The following ATXN1 variants were observed in gnomAD, a reference collection of about 807,000 sequenced individuals.
ATXN1 encodes ataxin 1, also known as ataxin-1.
Under a neutral mutation model 56.4 loss-of-function variants are expected in ATXN1, and 8 were observed. The observed-to-expected ratio is 0.14, with a 90% CI of 0.08 to 0.26. The LOEUF is 0.26. ATXN1 is among the 10% of genes least tolerant of loss of function. The pLI is 1.00. For missense variants in ATXN1, 987 were observed against 1,106.5 expected (o/e 0.89, Z 1.53); for synonymous variants, 514 against 494.6 (o/e 1.04, Z -0.52).
At chr6:16,492,330 C>T (rs749830625) in intron 5 of ATXN1, among the ~76,000 whole-genome samples, 5 of 151,730 alleles carry the variant, frequency 3.3e-5, no homozygotes, top group African/African-American at 1.2e-4. Flanking sequence ...TGCTAGATGA[C>T]GAGTTAATGG....
intron 3 of ATXN1, among the ~76,000 whole-genome samples, chr6:16,648,843 C>T (rs1276928052): frequency 6.6e-6 from 1 of 152,086 alleles, no homozygotes; most frequent in Admixed American, 6.5e-5. Context: ...AAACTGAAGG[C>T]TGGGCAAGGC....
At chr6:16,589,543 T>C (rs1052797325) in intron 3 of ATXN1, among the ~76,000 whole-genome samples, 1 of 152,112 alleles carries the variant, frequency 6.6e-6, no homozygotes, top group African/African-American at 2.4e-5. Flanking sequence ...GAGAATGTTA[T>C]TATTAAATGT....
intron 3 of ATXN1, among the ~76,000 whole-genome samples, chr6:16,617,691 C>T (rs1763239789): frequency 6.9e-6 from 1 of 145,834 alleles, no homozygotes; most frequent in Admixed American, 7.2e-5. Context: ...GGCCTGAACC[C>T]GTGAGGCGGA....
intron 2 of ATXN1, among the ~76,000 whole-genome samples, chr6:16,702,647 C>A (rs1208122998): frequency 3.9e-5 from 6 of 152,130 alleles, no homozygotes; most frequent in African/African-American, 1.4e-4. Flanking sequence ...AAGAAAAAAA[C>A]AAACAACCCC....
At position 16,309,892 on chromosome 6, in the gene ATXN1, G is replaced by T. The variant is rs533827403; in HGVS notation, c.1918-3033C>A. Among the ~76,000 whole-genome samples, 6 of 152,046 alleles carry T rather than the reference G, an allele frequency of 3.9e-5. 1 individual carries two copies. The South Asian group carries it at 1.0e-3, about 26-fold the overall frequency. On this transcript the variant is annotated intron_variant, in intron 7 of 7. Coordinates refer to ENST00000436367, the MANE Select transcript of ATXN1 (RefSeq NM_001128164.2). ...CTACTAAAAATGCAAAAATTAGCTG[G>T]GCATGGTGGCAGGAACCTGTAATCC...
At chr6:16,431,112 A>G (rs1759274607) in intron 6 of ATXN1, among the ~76,000 whole-genome samples, 1 of 151,886 alleles carries the variant, frequency 6.6e-6, no homozygotes. Context: ...GTCTGTGCAG[A>G]TGTGGGGTTT....
Position 16,328,487 on chromosome 6 carries a change from G to A in ATXN1, c.-160-17C>T. 9 of 1,183,492 alleles carry A rather than the reference G, an allele frequency of 7.6e-6. No individual in the cohort carries two copies. The highest frequency in any genetic ancestry group is 8.7e-6 in the Non-Finnish European group (8 of 919,220). 73.3% of individuals were successfully genotyped at this position (1,183,492 alleles called of 1,614,324 possible). A position where few individuals can be genotyped will look rare whatever the true frequency, so the allele number is the denominator to read the frequency against. On this transcript the variant is annotated splice_polypyrimidine_tract_variant and intron_variant, in intron 6 of 7. Transcript: ENST00000436367. This position sits in a 1 kb window ranked among gnomAD's most constrained non-coding sequence, Gnocchi z 6.2. Reference sequence around the variant, plus strand: ...CTCTGGATGCTGGGAAAGGGAAGAGGGCAGTGACAAAGGGAAAAGGAAAGG... The same window carrying A: ...CTCTGGATGCTGGGAAAGGGAAGAGAGCAGTGACAAAGGGAAAAGGAAAGG...
Position 16,306,446 on chromosome 6 carries a change from T to G in ATXN1, c.2331A>C (p.Pro777=). Residue 777 remains proline, a synonymous_variant, in exon 8 of 8, where the codon CCA becomes CCC. Coordinates refer to ENST00000436367, the MANE Select transcript of ATXN1 (RefSeq NM_001128164.2). The surrounding 1 kb of genome is among the most constrained non-coding windows in gnomAD (Gnocchi z 5.2). ...AATRKRRWSA[P]ESRKLEKSED... ...CTGACTTCTCCAGTTTGCGGCTCTC[T>G]GGCGCCGACCACCTCCTCTTCCTCG... The G allele has an allele frequency of 6.2e-7, 1 of 1,614,210 alleles. No homozygotes were observed. Among genetic ancestry groups the G allele is most frequent in the Non-Finnish European group, 8.5e-7 (1 of 1,180,040 alleles).
At chr6:16,600,441 T>A (rs976752864) in intron 3 of ATXN1, among the ~76,000 whole-genome samples, 11 of 152,206 alleles carry the variant, frequency 7.2e-5, no homozygotes, top group African/African-American at 2.7e-4. Flanking sequence ...ACTGACTGAA[T>A]GTTCAATGCT....
chr6:16,658,460 A>AATTG (rs1395904787), intron 2 of ATXN1, among the ~76,000 whole-genome samples: 21 of 151,980 alleles, frequency 1.4e-4, no homozygotes, highest in Non-Finnish European at 2.9e-4. Context: ...ATTCTTGATA[A>AATTG]ATACTTTCTC....
chr6:16,689,755 TGAA>T (rs1759004806), intron 2 of ATXN1, among the ~76,000 whole-genome samples: 1 of 152,166 alleles, frequency 6.6e-6, no homozygotes. Flanking sequence ...TTTTTTATAA[TGAA>T]GACATTTAAA....
At chr6:16,532,172 A>G (rs1761517458) in intron 4 of ATXN1, among the ~76,000 whole-genome samples, 1 of 152,216 alleles carries the variant, frequency 6.6e-6, no homozygotes, top group Non-Finnish European at 1.5e-5. Flanking sequence ...CCTGGTCTAG[A>G]ATATTATTAC....
At chr6:16,367,248 G>A (rs543153056) in intron 6 of ATXN1, among the ~76,000 whole-genome samples, 2 of 152,268 alleles carry the variant, frequency 1.3e-5, no homozygotes, top group South Asian at 2.1e-4. Context: ...TGATACTGGG[G>A]AGGGGGCAGA....
chr6:16,489,313 T>C (rs1760611687), intron 5 of ATXN1, among the ~76,000 whole-genome samples: 1 of 152,194 alleles, frequency 6.6e-6, no homozygotes, highest in Admixed American at 6.5e-5. Context: ...TCTACAGCTA[T>C]GCTTTAAGCC....
At chr6:16,544,640 T>TCTTA (rs1761779956) in intron 4 of ATXN1, among the ~76,000 whole-genome samples, 1 of 152,020 alleles carries the variant, frequency 6.6e-6, no homozygotes, top group Non-Finnish European at 1.5e-5. Flanking sequence ...GGGATTCAAG[T>TCTTA]GAGGATGAAC....
At chr6:16,408,512 T>C (rs752519789) in intron 6 of ATXN1, among the ~76,000 whole-genome samples, 17 of 135,916 alleles carry the variant, frequency 1.3e-4, no homozygotes, top group Non-Finnish European at 2.7e-4. Context: ...ATGATGAGGA[T>C]GGTAAAAAAA....
At chr6:16,675,606 T>A (rs1758644915) in intron 2 of ATXN1, among the ~76,000 whole-genome samples, 1 of 151,926 alleles carries the variant, frequency 6.6e-6, no homozygotes, top group Non-Finnish European at 1.5e-5. Context: ...GGAGGCCAGG[T>A]GCGGTGGCTC....
At chr6:16,655,725 A>G (rs1325597338) in intron 3 of ATXN1, among the ~76,000 whole-genome samples, 1 of 152,068 alleles carries the variant, frequency 6.6e-6, no homozygotes, top group Non-Finnish European at 1.5e-5. Context: ...TTAAAATTAA[A>G]TACATAAAAA....
intron 4 of ATXN1, among the ~76,000 whole-genome samples, chr6:16,533,863 A>T (rs757676032): frequency 1.3e-5 from 2 of 152,182 alleles, no homozygotes; most frequent in Non-Finnish European, 2.9e-5. Context: ...CTTCATGGAA[A>T]CTGTCCCTAT....
Sources: gnomAD v4.1 joint callset for allele counts (sites outside exome capture counted in the v4.1 genomes callset) on GRCh38, gnomAD v4.1.1 for gene constraint, Gnocchi (gnomAD v3.1) non-coding constraint, MANE v1.5 for transcripts, NCBI Gene and HGNC (gene_info 2026-07-23, HGNC 2026-07-21) for gene names.